The following PGLYRP2 variants were observed in gnomAD, a reference collection of about 807,000 sequenced individuals.
The protein encoded by PGLYRP2 is peptidoglycan recognition protein 2.
Under a neutral mutation model 46.2 loss-of-function variants are expected in PGLYRP2, and 38 were observed. The observed-to-expected ratio is 0.82, with a 90% CI of 0.64 to 1.08. The LOEUF is 1.08. Ranked by LOEUF, PGLYRP2 falls within the 50% of genes least tolerant of loss-of-function variation. PGLYRP2 has a pLI of 0.00. For missense variants in PGLYRP2, 713 were observed against 755.9 expected (o/e 0.94, Z 0.67); for synonymous variants, 289 against 329.4 (o/e 0.88, Z 1.33).
rs1568340220 is a variant in PGLYRP2, at chr19:15,470,246, TTCCTTCC to T, written c.1344-324_1344-318del. On this transcript the variant is annotated intron_variant, in intron 3 of 4. Coordinates refer to ENST00000340880, the MANE Select transcript of PGLYRP2 (RefSeq NM_052890.4). ...CTGTTTTTGGGTTTTTTTTCTTTCC[TTCCTTCC>T]TTCCTTCCTTCCTTCCTTCCTTCCT... 7.7e-5 allele frequency among the ~76,000 whole-genome samples: 7 copies of T among 90,362 alleles called. No homozygotes were observed. The East Asian group carries it at 1.4e-3, about 18-fold the overall frequency. 59.3% of individuals were successfully genotyped at this position (90,362 alleles called of 152,430 possible). A position where few individuals can be genotyped will look rare whatever the true frequency, so the allele number is the denominator to read the frequency against.
At chr19:15,477,906 A>G (rs1159591529) in intron 1 of PGLYRP2, among the ~76,000 whole-genome samples, 3 of 152,124 alleles carry the variant, frequency 2.0e-5, no homozygotes, top group African/African-American at 7.2e-5. Context: ...AACATTTACT[A>G]TGTGCTAGCT....
At position 15,469,546 on chromosome 19, in the gene PGLYRP2, C is replaced by T. The variant is rs1382811294; in HGVS notation, c.1641+86G>A. ...CCTGGCTGAGGCTGTGCGGGCACAG[C>T]TGTTACAGGCAGGGGGCAGGGGCCT... On this transcript the variant is annotated intron_variant, in intron 4 of 4. Transcript: ENST00000340880. The surrounding 1 kb of genome is among the most constrained non-coding windows in gnomAD (Gnocchi z 4.9). 1.5e-5 allele frequency: 22 copies of T among 1,513,338 alleles called. No homozygotes were observed. The highest frequency in any genetic ancestry group is 3.9e-5 in the Admixed American group (2 of 50,980). The allele number at this position is 1,513,338 out of a possible 1,614,324, so 93.7% of individuals were successfully genotyped here.
chr19:15,472,377 G>A (rs1332423996), intron 2 of PGLYRP2, among the ~76,000 whole-genome samples: 2 of 151,392 alleles, frequency 1.3e-5, no homozygotes, highest in Admixed American at 6.6e-5. Context: ...ATCACTTGAG[G>A]TCAGGAGTTT....
intron 2 of PGLYRP2, among the ~76,000 whole-genome samples, 179 bp downstream of exon 2, chr19:15,475,359 T>C (rs1970783571): frequency 1.3e-5 from 2 of 152,156 alleles, no homozygotes. Flanking sequence ...GAACTCCTAT[T>C]CATCCTTCAA....
chr19:15,471,609 G>C (rs887807991), intron 3 of PGLYRP2, among the ~76,000 whole-genome samples: 1 of 152,118 alleles, frequency 6.6e-6, no homozygotes, highest in Non-Finnish European at 1.5e-5. Context: ...CCCAGACCCA[G>C]ACTCTGCCAC....
At position 15,471,894 on chromosome 19, in the gene PGLYRP2, AGCCGATGTCTCCCCAGCCTTGCGT is replaced by A; in HGVS notation, c.1315_1338del (p.Thr439_Gly446del). On this transcript the variant is annotated inframe_deletion, in exon 3 of 5. Transcript: ENST00000340880. ...CCCCGGTCGGGCCCCTCCTACCTGTAGCCGATGTCTCCCCAGCCTTGCGTGTCCTGGTGGTAGCGCTGCATGGAG... is the reference window on the plus strand; with the variant it reads ...CCCCGGTCGGGCCCCTCCTACCTGTAGTCCTGGTGGTAGCGCTGCATGGAG... 1 of 1,613,230 alleles carries A rather than the reference AGCCGATGTCTCCCCAGCCTTGCGT, an allele frequency of 6.2e-7. No individual in the cohort carries two copies. Among genetic ancestry groups the A allele is most frequent in the Non-Finnish European group, 8.5e-7 (1 of 1,179,526 alleles).
rs1397069879 is a variant in PGLYRP2 at position 15,472,074 on chromosome 19, G to A, written c.1159C>T (p.Arg387Cys). 1.9e-6 allele frequency: 3 copies of A among 1,605,172 alleles called. No individual in the cohort carries two copies. The highest frequency in any genetic ancestry group is 2.5e-6 in the Non-Finnish European group (3 of 1,179,718). Reference protein sequence around the residue: ...LGCPAIHPRCRWGAAPYRGRP... With the variant: ...LGCPAIHPRCCWGAAPYRGRP... ...CCCCGATAAGGCGCCGCTCCCCAGC[G>A]GCAGCGGGGGTGGATGGCCGGGCAT... Residue 387 changes from arginine to cysteine, a missense_variant, in exon 3 of 5, where the codon CGC becomes TGC. Physicochemically the swap from Arg to Cys is radical, Grantham distance 180 (BLOSUM62 -3). Coordinates refer to ENST00000340880, the MANE Select transcript of PGLYRP2 (RefSeq NM_052890.4).
At position 15,472,844 on chromosome 19, in the gene PGLYRP2, G is replaced by A. The variant is rs550474636; in HGVS notation, c.1133-744C>T. 4.6e-5 allele frequency among the ~76,000 whole-genome samples: 7 copies of A among 152,184 alleles called. 1 individual carries two copies. Among genetic ancestry groups the A allele is most frequent in the South Asian group, 2.1e-4 (1 of 4,816 alleles). On this transcript the variant is annotated intron_variant, in intron 2 of 4. Transcript: ENST00000340880. Reference sequence around the variant, plus strand: ...ATTAGACAAAACTATCCTGAAATTCGCAAGGAACCAAAAATGAGCCCAAAT... The same window carrying A: ...ATTAGACAAAACTATCCTGAAATTCACAAGGAACCAAAAATGAGCCCAAAT...
At position 15,469,345 on chromosome 19, in the gene PGLYRP2, C is replaced by T. The variant is rs1343216820; in HGVS notation, c.1641+287G>A. The T allele has an allele frequency of 3.0e-6, 2 of 663,566 alleles. No homozygotes were observed. Among genetic ancestry groups the T allele is most frequent in the Admixed American group, 2.2e-5 (1 of 46,428 alleles). The allele number at this position is 663,566 out of a possible 1,614,324, so 41.1% of individuals were successfully genotyped here. ...CTGTTGGCAGGTGTCAGGGTCCATG[C>T]CTTGGCTGGAAAGGTAGAGGTATTA... is the stretch of plus-strand genomic sequence containing the variant. On this transcript the variant is annotated intron_variant, in intron 4 of 4. Transcript: ENST00000340880. This position sits in a 1 kb window ranked among gnomAD's most constrained non-coding sequence, Gnocchi z 4.9.
rs371691891 is a variant in PGLYRP2, at chr19:15,475,632, C to T, written c.1038G>A (p.Leu346=). 6.2e-7 allele frequency: 1 copy of T among 1,614,156 alleles called. No homozygotes were observed. Among genetic ancestry groups the T allele is most frequent in the Non-Finnish European group, 8.5e-7 (1 of 1,180,016 alleles). Reference sequence around the variant, plus strand: ...ACTGAAGCTGGAGGTGTACTGGCTCCAGCCTCTGTAGAAGGACAAGGGTTC... The same window carrying T: ...ACTGAAGCTGGAGGTGTACTGGCTCTAGCCTCTGTAGAAGGACAAGGGTTC... ...VWGTLVLLQR[L]EPVHLQLQCM... is the part of the protein sequence containing the mutation. Residue 346 remains leucine, a synonymous_variant, in exon 2 of 5, where the codon CTG becomes CTA. Transcript: ENST00000340880.
At position 15,475,699 on chromosome 19, in the gene PGLYRP2, G is replaced by A; in HGVS notation, c.971C>T (p.Ala324Val). ...FRSNFRRQNGAALTSASILAQ... is the reference protein window; with the variant it reads ...FRSNFRRQNGVALTSASILAQ... ...CAGGATGGAGGCTGAAGTCAGAGCA[G>A]CACCGTTCTGCCGTCGGAAGTTGCT... The change falls in exon 2 of 5, where the codon GCT becomes GTT. Residue 324 changes from alanine to valine, a missense_variant. By Grantham distance (64) the Ala-to-Val change is moderately conservative. Transcript: ENST00000340880. 3 of 1,614,120 alleles carry A rather than the reference G, an allele frequency of 1.9e-6. No homozygotes were observed. The highest frequency in any genetic ancestry group is 2.5e-6 in the Non-Finnish European group (3 of 1,179,986).
At chr19:15,477,726 T>A (rs140300576) in intron 1 of PGLYRP2, among the ~76,000 whole-genome samples, 83,008 of 144,054 alleles carry the variant, frequency 0.58, 24,307 homozygotes, top group East Asian at 0.81. Context: ...TAAAATTAAA[T>A]TAAAATAAAA....
Position 15,475,875 on chromosome 19 carries a change from T to A in PGLYRP2, c.795A>T (p.Ala265=). The A allele has an allele frequency of 1.2e-6, 2 of 1,614,062 alleles. No individual in the cohort carries two copies. Among genetic ancestry groups the A allele is most frequent in the Non-Finnish European group, 1.7e-6 (2 of 1,180,000 alleles). The change falls in exon 2 of 5, where the codon GCA becomes GCT. Residue 265 remains alanine (A), a synonymous_variant. Coordinates refer to ENST00000340880, the MANE Select transcript of PGLYRP2 (RefSeq NM_052890.4). ...TGAGGAAGGCCATGGTTAACAGAGATGCCTTGGGGTCCAAAAGCGTAAAGG... is the reference window on the plus strand; with the variant it reads ...TGAGGAAGGCCATGGTTAACAGAGAAGCCTTGGGGTCCAAAAGCGTAAAGG... ...PRTFTLLDPK[A]SLLTMAFLNG...
Position 15,475,969 on chromosome 19 carries a change from C to A in PGLYRP2, c.701G>T (p.Gly234Val), listed in dbSNP as rs144572782. The stretch of plus-strand genomic sequence containing the variant: ...GTCTGGATGGCTCTGGGTCTGGGAA[C>A]CTCGGAGGAAGGTCAGGCCCAGGTT... ...AGNLGLTFLR[G>V]SQTQSHPDLG... Residue 234 changes from glycine (G) to valine (V), a missense_variant, in exon 2 of 5, where the codon GGT becomes GTT. By Grantham distance (109) the Gly-to-Val change is moderately radical (BLOSUM62 -3). Transcript: ENST00000340880. 2,543 of 1,614,138 alleles carry A rather than the reference C, an allele frequency of 1.6e-3. 31 individuals are homozygous for A. In the African/African-American group the frequency reaches 0.027, roughly 17 times the overall value.
At position 15,476,080 on chromosome 19, in the gene PGLYRP2, G is replaced by T. The variant is rs139180046; in HGVS notation, c.590C>A (p.Pro197Gln). The change falls in exon 2 of 5, where the codon CCA becomes CAA. Residue 197 changes from proline (P) to glutamine (Q), a missense_variant. Coordinates refer to ENST00000340880, the MANE Select transcript of PGLYRP2 (RefSeq NM_052890.4). Reference protein sequence around the residue: ...ANTPDATKGCPDVQASLPDAK... With the variant: ...ANTPDATKGCQDVQASLPDAK... ...ATCTGGCAAGGAAGCTTGGACATCT[G>T]GACAGCCTTTTGTAGCATCTGGAGT... 3.7e-6 allele frequency: 6 copies of T among 1,614,084 alleles called. No homozygotes were observed. The highest frequency in any genetic ancestry group is 5.1e-6 in the Non-Finnish European group (6 of 1,180,040).
rs1483512024 is a variant in PGLYRP2 at position 15,475,827 on chromosome 19, G to A, written c.843C>T (p.Ile281=). ...AFLNGALDGV[I]LGDYLSRTPE... is the part of the protein sequence containing the mutation. ...GAGTCCGGCTCAGGTAGTCTCCAAGGATGACCCCATCCAGGGCGCCATTGA... is the reference window on the plus strand; with the variant it reads ...GAGTCCGGCTCAGGTAGTCTCCAAGAATGACCCCATCCAGGGCGCCATTGA... The change falls in exon 2 of 5, where the codon ATC becomes ATT. Residue 281 remains isoleucine (I), a synonymous_variant. Coordinates refer to ENST00000340880, the MANE Select transcript of PGLYRP2 (RefSeq NM_052890.4). The A allele has an allele frequency of 1.2e-6, 2 of 1,614,088 alleles. No individual in the cohort carries two copies. Among genetic ancestry groups the A allele is most frequent in the East Asian group, 2.2e-5 (1 of 44,876 alleles).
chr19:15,478,979 G>T (rs1401133820), intron 1 of PGLYRP2, among the ~76,000 whole-genome samples: 1 of 152,108 alleles, frequency 6.6e-6, no homozygotes, highest in Non-Finnish European at 1.5e-5. Flanking sequence ...TTCTTCTCCA[G>T]TCCACCACCT....
Position 15,476,458 on chromosome 19 carries a change from A to T in PGLYRP2, c.212T>A (p.Leu71Gln). Residue 71 changes from leucine to glutamine, a missense_variant, in exon 2 of 5, where the codon CTG becomes CAG. By Grantham distance (113) the Leu-to-Gln change is moderately radical. Coordinates refer to ENST00000340880, the MANE Select transcript of PGLYRP2 (RefSeq NM_052890.4). ...TGTAGCATTGAGGCTCCATGCCCCC[A>T]GCAGGAAGTGGTAGAGGCGATTGTG... ...GPHNRLYHFL[L>Q]GAWSLNATEL... The T allele has an allele frequency of 6.2e-7, 1 of 1,614,154 alleles. No individual in the cohort carries two copies. Among genetic ancestry groups the T allele is most frequent in the Admixed American group, 1.7e-5 (1 of 60,000 alleles).
At position 15,478,907 on chromosome 19, in the gene PGLYRP2, C is replaced by T. The variant is rs139868817; in HGVS notation, c.61+404G>A. Among the ~76,000 whole-genome samples, 176 of 152,174 alleles carry T rather than the reference C, an allele frequency of 1.2e-3. 3 individuals carry two copies. Among genetic ancestry groups the T allele is most frequent in the Admixed American group, 8.2e-3 (126 of 15,280 alleles). On this transcript the variant is annotated intron_variant, in intron 1 of 4. Transcript: ENST00000340880. ...AAAGTGCTGGGATTACAGGCCTGGC[C>T]AGTAGTAGAATTTGAATCCAGGAAG... is the stretch of plus-strand genomic sequence containing the variant.
Sources: allele counts gnomAD v4.1 joint callset (sites outside exome capture counted in the v4.1 genomes callset), GRCh38; gene constraint gnomAD v4.1.1; non-coding constraint Gnocchi (gnomAD v3.1); transcripts MANE v1.5; gene names NCBI Gene and HGNC (gene_info 2026-07-23, HGNC 2026-07-21).